The following GABRB3 variants were observed in gnomAD, a reference collection of about 807,000 sequenced individuals.
The protein encoded by GABRB3 is gamma-aminobutyric acid receptor subunit beta-3.
GABRB3 carries 14 observed loss-of-function variants against 52.1 expected under a neutral mutation model. That is an observed-to-expected ratio of 0.27 (90% CI 0.18 to 0.42). GABRB3 has a LOEUF of 0.42. Ranked by LOEUF, GABRB3 falls within the 10% of genes least tolerant of loss-of-function variation. The pLI is 1.00. For synonymous variants in GABRB3, 260 were observed against 232.3 expected, an observed-to-expected ratio of 1.12 and a Z score of -1.08; for missense variants, 307 against 609.1, an observed-to-expected ratio of 0.50 and a Z score of 5.22.
intron 6 of GABRB3, among the ~76,000 whole-genome samples, chr15:26,579,223 T>C (rs573986297): frequency 6.6e-6 from 1 of 152,302 alleles, no homozygotes; most frequent in East Asian, 1.9e-4. Flanking sequence ...CACGCATGAC[T>C]GACGCAGGTC....
At chr15:26,715,179 C>T (rs1017700355) in intron 3 of GABRB3, among the ~76,000 whole-genome samples, 9 of 152,126 alleles carry the variant, frequency 5.9e-5, no homozygotes, top group Admixed American at 2.6e-4. Flanking sequence ...CCAGGACCAG[C>T]GAGCTTTTCT....
intron 4 of GABRB3, among the ~76,000 whole-genome samples, chr15:26,597,012 T>G (rs1891417519): frequency 6.6e-6 from 1 of 152,104 alleles, no homozygotes; most frequent in Admixed American, 6.6e-5. Flanking sequence ...CTAGTTCAGA[T>G]TTCCCTTCCT....
chr15:26,748,987 T>C (rs1890426625), intron 3 of GABRB3, among the ~76,000 whole-genome samples: 1 of 152,074 alleles, frequency 6.6e-6, no homozygotes, highest in Non-Finnish European at 1.5e-5. Flanking sequence ...ACAGCATTAC[T>C]GCACTCCAGC....
At chr15:26,742,667 T>C (rs1334493001) in intron 3 of GABRB3, among the ~76,000 whole-genome samples, 6 of 152,202 alleles carry the variant, frequency 3.9e-5, no homozygotes, top group Non-Finnish European at 7.3e-5. Flanking sequence ...TTCCACTGAT[T>C]CACTACATCA....
In GABRB3 at chr15:26,736,672, GATCTGGAGC is replaced by G. The variant is rs556385062; in HGVS notation, c.240+35721_240+35729del. On this transcript the variant is annotated intron_variant, in intron 3 of 8. Transcript: ENST00000311550. ...TAGGGTGGGGTGCTGCAGGACAGTGGATCTGGAGCATAGGGTAGCTTTGTGACCTAAGAA... is the reference window on the plus strand; with the variant it reads ...TAGGGTGGGGTGCTGCAGGACAGTGGATAGGGTAGCTTTGTGACCTAAGAA... Among the ~76,000 whole-genome samples the G allele has an allele frequency of 2.0e-3, 303 of 152,354 alleles. 3 individuals carry two copies. The highest frequency in any genetic ancestry group is 7.0e-3 in the South Asian group (34 of 4,828).
chr15:26,695,318 C>A (rs8034251), intron 3 of GABRB3, among the ~76,000 whole-genome samples: 4 of 151,948 alleles, frequency 2.6e-5, no homozygotes, highest in Non-Finnish European at 4.4e-5. Context: ...AGATTTATAC[C>A]GGACTTGCTT....
At chr15:26,578,611 C>T (rs1890677271) in intron 6 of GABRB3, among the ~76,000 whole-genome samples, 1 of 152,218 alleles carries the variant, frequency 6.6e-6, no homozygotes, top group South Asian at 2.1e-4. Flanking sequence ...GCAGCATACC[C>T]TCTACAAACA....
intron 3 of GABRB3, among the ~76,000 whole-genome samples, chr15:26,651,680 G>T (rs1887202359): frequency 6.6e-6 from 1 of 152,034 alleles, no homozygotes; most frequent in Non-Finnish European, 1.5e-5. Flanking sequence ...AGGCACTTGG[G>T]GAGTCACACC....
chr15:26,747,641 T>C (rs903389746), intron 3 of GABRB3, among the ~76,000 whole-genome samples: 1 of 152,234 alleles, frequency 6.6e-6, no homozygotes, highest in Non-Finnish European at 1.5e-5. Flanking sequence ...ATTTATTATG[T>C]GGATAACCAC....
intron 3 of GABRB3, among the ~76,000 whole-genome samples, chr15:26,723,362 A>G (rs771970944): frequency 1.3e-5 from 2 of 152,222 alleles, no homozygotes; most frequent in Non-Finnish European, 2.9e-5. Context: ...CCACATCCTG[A>G]TAAGTGTGGA....
intron 3 of GABRB3, among the ~76,000 whole-genome samples, chr15:26,756,060 GTAAA>G (rs1226648099): frequency 2.0e-5 from 3 of 152,104 alleles, no homozygotes; most frequent in Non-Finnish European, 4.4e-5. Flanking sequence ...TGTACAGTGT[GTAAA>G]TAATAGTGCA....
intron 3 of GABRB3, among the ~76,000 whole-genome samples, chr15:26,721,846 T>G (rs1426857113): frequency 1.3e-5 from 2 of 151,942 alleles, no homozygotes; most frequent in Non-Finnish European, 2.9e-5. Flanking sequence ...AGATTTCAGC[T>G]GCAACTTCAT....
At chr15:26,732,738 C>T (rs1045646355) in intron 3 of GABRB3, among the ~76,000 whole-genome samples, 4 of 152,076 alleles carry the variant, frequency 2.6e-5, no homozygotes, top group Admixed American at 6.6e-5. Flanking sequence ...CAGCTGTAAT[C>T]CCAGGACTTT....
intron 3 of GABRB3, among the ~76,000 whole-genome samples, chr15:26,697,136 C>G (rs1325777919): frequency 6.6e-6 from 1 of 152,136 alleles, no homozygotes; most frequent in Admixed American, 6.5e-5. Flanking sequence ...CCACAGATTC[C>G]TTAGAGTGCT....
intron 4 of GABRB3, chr15:26,615,693 GC>G (rs1288320121): frequency 3.0e-6 from 3 of 1,007,050 alleles, no homozygotes; most frequent in Non-Finnish European, 3.7e-6. Context: ...CCTAGATAAA[GC>G]AAAAGCCCAC....
chr15:26,666,108 CA>C (rs1887702955), intron 3 of GABRB3, among the ~76,000 whole-genome samples: 1 of 152,164 alleles, frequency 6.6e-6, no homozygotes, highest in Non-Finnish European at 1.5e-5. Flanking sequence ...AGCATGCTTA[CA>C]TAAGTACACT....
At chr15:26,619,779 G>C (rs1337783972) in intron 4 of GABRB3, among the ~76,000 whole-genome samples, 2 of 145,772 alleles carry the variant, frequency 1.4e-5, no homozygotes, top group Non-Finnish European at 3.0e-5. Context: ...AATTTTTGTT[G>C]ATATTTGCTT....
chr15:26,554,174 A>AT lies in GABRB3; in HGVS notation c.1081-6041_1081-6040insA, dbSNP rs1889641513. On this transcript the variant is annotated intron_variant, in intron 8 of 8. Coordinates refer to ENST00000311550, the MANE Select transcript of GABRB3 (RefSeq NM_000814.6). The stretch of plus-strand genomic sequence containing the variant: ...TATATATATAAAGTATATATATATA[A>AT]AGTATATATATATATACTATATATA... Among the ~76,000 whole-genome samples the AT allele has an allele frequency of 1.2e-3, 32 of 27,578 alleles. 2 individuals are homozygous for AT. The South Asian group carries it at 0.056, about 49-fold the overall frequency. 18.1% of individuals were successfully genotyped at this position (27,578 alleles called of 152,430 possible).
chr15:26,638,602 T>C (rs1489547116), intron 3 of GABRB3, among the ~76,000 whole-genome samples: 1 of 152,300 alleles, frequency 6.6e-6, no homozygotes, highest in East Asian at 1.9e-4. Context: ...TTTGTCATCT[T>C]TATTCCTTCT....
Sources: allele counts gnomAD v4.1 joint callset (sites outside exome capture counted in the v4.1 genomes callset), GRCh38; gene constraint gnomAD v4.1.1; transcripts MANE v1.5; gene names NCBI Gene and HGNC (gene_info 2026-07-23, HGNC 2026-07-21).